FRMPD3: variants seen among roughly 807,000 people sequenced by gnomAD.
The protein encoded by FRMPD3 is FERM and PDZ domain-containing protein 3.
A neutral mutation model predicts 97.9 loss-of-function variants in FRMPD3; 42 were observed. That is an observed-to-expected ratio of 0.43 (90% CI 0.34 to 0.55). The LOEUF (loss-of-function observed/expected upper bound fraction) is 0.55, where lower values mean the gene tolerates loss of function less well. FRMPD3 is among the 20% of genes least tolerant of loss of function. The pLI, the probability that FRMPD3 is intolerant of heterozygous loss-of-function variation, is 0.03. For missense variants in FRMPD3, 1,303 were observed against 1,457.7 expected, an observed-to-expected ratio of 0.89 and a Z score of 1.73; for synonymous variants, 577 against 581.1, an observed-to-expected ratio of 0.99 and a Z score of 0.10.
chrX:107,495,521 T>A (rs1456331337), intron 1 of FRMPD3, among the ~76,000 whole-genome samples: 1 of 112,179 alleles, frequency 8.9e-6, no homozygotes, highest in Non-Finnish European at 1.9e-5. Flanking sequence ...CATCATAAGA[T>A]CTCAGTAAAT....
At position 107,517,654 on chromosome X, in the gene FRMPD3, A is replaced by C. The variant is rs746066697; in HGVS notation, c.-7-8928A>C. Among the ~76,000 whole-genome samples the C allele has an allele frequency of 3.7e-5, 4 of 109,103 alleles. No homozygotes were observed. The South Asian group carries it at 1.2e-3, about 33-fold the overall frequency. The allele number at this position is 109,103 out of a possible 115,157, so 94.7% of individuals were successfully genotyped here. ...CAGGTGCCTGTAATCCCAGCTACAC[A>C]GGAGGCTTAGGCAGGAGAATTGCTT... On this transcript the variant is annotated intron_variant, in intron 1 of 14. Transcript: ENST00000683843.
At chrX:107,591,320 G>A (rs1008389124) in intron 13 of FRMPD3, among the ~76,000 whole-genome samples, 28 of 110,603 alleles carry the variant, frequency 2.5e-4, no homozygotes, top group African/African-American at 8.9e-4. Context: ...ACCATGCCCA[G>A]CTAATTTTTT....
At chrX:107,503,342 A>G (rs1921958862) in intron 1 of FRMPD3, among the ~76,000 whole-genome samples, 1 of 112,020 alleles carries the variant, frequency 8.9e-6, no homozygotes, top group Non-Finnish European at 1.9e-5. Context: ...ATGTGAGCTT[A>G]TTAAAACAAC....
intron 1 of FRMPD3, among the ~76,000 whole-genome samples, chrX:107,453,625 T>C (rs1371504182): frequency 8.9e-6 from 1 of 112,030 alleles, no homozygotes; most frequent in Non-Finnish European, 1.9e-5. Flanking sequence ...GTGGACCTTA[T>C]TGTCTGCTGA....
intron 1 of FRMPD3, among the ~76,000 whole-genome samples, chrX:107,475,498 T>C (rs1485821531): frequency 1.8e-5 from 2 of 112,414 alleles, no homozygotes; most frequent in Non-Finnish European, 3.8e-5. Flanking sequence ...GAATTATCCA[T>C]AGATGGAGCA....
intron 1 of FRMPD3, among the ~76,000 whole-genome samples, chrX:107,498,795 G>T (rs1486737918): frequency 8.9e-6 from 1 of 111,949 alleles, no homozygotes; most frequent in African/African-American, 3.3e-5. Flanking sequence ...CATGCTGAAA[G>T]TGGGAAAAGG....
At chrX:107,487,940 G>C (rs1921550079) in intron 1 of FRMPD3, among the ~76,000 whole-genome samples, 1 of 111,953 alleles carries the variant, frequency 8.9e-6, no homozygotes, top group African/African-American at 3.3e-5. Context: ...ACAAACAACT[G>C]AACATTTAAA....
intron 5 of FRMPD3, among the ~76,000 whole-genome samples, chrX:107,546,312 C>CT (rs1464564067): frequency 9.0e-6 from 1 of 111,596 alleles, no homozygotes; most frequent in Non-Finnish European, 1.9e-5. Context: ...GATACAGACT[C>CT]TCATTAAGTC....
chrX:107,586,074 G>T lies in FRMPD3; in HGVS notation c.1441+9615G>T, dbSNP rs1012369250. On this transcript the variant is annotated intron_variant, in intron 13 of 14. Transcript: ENST00000683843. ...TTGGCTGTGAATCCATGTGGTCCTGGGCTTTTTTTGGTTGGTAGTCTATTA... is the reference window on the plus strand; with the variant it reads ...TTGGCTGTGAATCCATGTGGTCCTGTGCTTTTTTTGGTTGGTAGTCTATTA... Among the ~76,000 whole-genome samples, 2 of 111,614 alleles carry T rather than the reference G, an allele frequency of 1.8e-5. 1 individual carries two copies. The highest frequency in any genetic ancestry group is 7.4e-4 in the South Asian group (2 of 2,702).
chrX:107,582,474 C>T (rs760176678), intron 13 of FRMPD3, among the ~76,000 whole-genome samples: 9 of 112,480 alleles, frequency 8.0e-5, no homozygotes, highest in Admixed American at 7.5e-4. Context: ...GCGTGAGCCA[C>T]CACACCTGAC....
chrX:107,562,366 G>T (rs1013763590), intron 10 of FRMPD3, among the ~76,000 whole-genome samples: 1 of 112,375 alleles, frequency 8.9e-6, no homozygotes, highest in East Asian at 2.8e-4. Flanking sequence ...AGCCATTGAA[G>T]GGTTTAAAGC....
At chrX:107,506,084 A>T in intron 1 of FRMPD3, among the ~76,000 whole-genome samples, 1 of 111,786 alleles carries the variant, frequency 8.9e-6, no homozygotes, top group East Asian at 2.8e-4. Context: ...GACCTCGAAG[A>T]CTCAGTGACT....
chrX:107,509,053 T>G (rs1235433054), intron 1 of FRMPD3, among the ~76,000 whole-genome samples: 1 of 111,684 alleles, frequency 9.0e-6, no homozygotes, highest in Non-Finnish European at 1.9e-5. Flanking sequence ...TAAGTAATAG[T>G]ATTGCTGTGC....
intron 13 of FRMPD3, among the ~76,000 whole-genome samples, chrX:107,594,998 T>A (rs1924101545): frequency 8.9e-6 from 1 of 111,912 alleles, no homozygotes; most frequent in South Asian, 3.7e-4. Context: ...CTCTTGTGAT[T>A]TTTTTCCTTG....
chrX:107,453,557 G>T (rs1931326711), intron 1 of FRMPD3, among the ~76,000 whole-genome samples: 1 of 111,610 alleles, frequency 9.0e-6, no homozygotes, highest in Admixed American at 9.5e-5. Context: ...CATAAGTTCA[G>T]AAACAAAAAC....
In FRMPD3 at chrX:107,583,937, C is replaced by T. The variant is rs368811355; in HGVS notation, c.1441+7478C>T. ...AGGCTGGAGTACAGTGGCGTGATCT[C>T]GGCTTACTGCAACCTCCGCCTCCTG... is the stretch of plus-strand genomic sequence containing the variant. On this transcript the variant is annotated intron_variant, in intron 13 of 14. Transcript: ENST00000683843. Among the ~76,000 whole-genome samples the T allele has an allele frequency of 7.1e-3, 728 of 102,815 alleles. 8 individuals carry two copies. Among genetic ancestry groups the T allele is most frequent in the African/African-American group, 0.025 (678 of 27,615 alleles). The allele number at this position is 102,815 out of a possible 115,157, so 89.3% of individuals were successfully genotyped here.
intron 12 of FRMPD3, among the ~76,000 whole-genome samples, chrX:107,573,107 G>T (rs1922966971): frequency 9.0e-6 from 1 of 110,941 alleles, no homozygotes; most frequent in Admixed American, 9.6e-5. Context: ...AACAAACGAG[G>T]CATACATATA....
At chrX:107,511,968 C>A (rs187586342) in intron 1 of FRMPD3, among the ~76,000 whole-genome samples, 2 of 111,367 alleles carry the variant, frequency 1.8e-5, no homozygotes, top group Non-Finnish European at 3.8e-5. Context: ...TCCACTTTTC[C>A]CATCATGACC....
intron 13 of FRMPD3, among the ~76,000 whole-genome samples, chrX:107,580,215 GTGAC>G (rs1923321009): frequency 8.9e-6 from 1 of 112,227 alleles, no homozygotes; most frequent in African/African-American, 3.2e-5. Context: ...AGTCTTCTGA[GTGAC>G]TGAGTACAGA....
Sources: gnomAD v4.1 joint callset for allele counts (sites outside exome capture counted in the v4.1 genomes callset) on GRCh38, gnomAD v4.1.1 for gene constraint, MANE v1.5 for transcripts, NCBI Gene and HGNC (gene_info 2026-07-23, HGNC 2026-07-21) for gene names.